SCUBE1: variants seen among roughly 807,000 people sequenced by gnomAD.
SCUBE1 encodes the protein signal peptide, CUB domain and EGF like domain containing 1, also known as signal peptide, CUB and EGF-like domain-containing protein 1.
Under a neutral mutation model 124.4 loss-of-function variants are expected in SCUBE1, and 59 were observed. The ratio of observed to expected loss-of-function variants is 0.47; its 90% confidence interval spans 0.38 to 0.59. SCUBE1 has a LOEUF of 0.59. Ranked by LOEUF, SCUBE1 falls within the 20% of genes least tolerant of loss-of-function variation. The pLI, the probability that SCUBE1 is intolerant of heterozygous loss-of-function variation, is 0.00. For missense variants in SCUBE1, 1,150 were observed against 1,371.2 expected (o/e 0.84, Z 2.55); for synonymous variants, 545 against 550.9 (o/e 0.99, Z 0.15).
intron 14 of SCUBE1, 127 bp from the exon 15 acceptor site, chr22:43,218,585 AG>A (rs1273877215): frequency 2.5e-5 from 23 of 923,622 alleles, no homozygotes; most frequent in Non-Finnish European, 3.6e-5. Flanking sequence ...TTCTCACAAC[AG>A]TCCTGGGGCA....
intron 7 of SCUBE1, among the ~76,000 whole-genome samples, chr22:43,237,101 G>T (rs1027704261): frequency 2.6e-5 from 4 of 151,770 alleles, no homozygotes; most frequent in African/African-American, 9.7e-5. Context: ...AGGAAATGTG[G>T]TGGGGTGGGG....
At position 43,220,434 on chromosome 22, in the gene SCUBE1, A is replaced by G. The variant is rs373419166; in HGVS notation, c.1687+16T>C. On this transcript the variant is annotated intron_variant, in intron 14 of 21. Coordinates refer to ENST00000360835, the MANE Select transcript of SCUBE1 (RefSeq NM_173050.5). The stretch of plus-strand genomic sequence containing the variant: ...CTTCAGGCCTGCAGAAGCCCCCAGG[A>G]GAACCCCTCACCTACCTGAGGCCTC... 1.2e-6 allele frequency: 2 copies of G among 1,611,914 alleles called. No individual in the cohort carries two copies. The highest frequency in any genetic ancestry group is 1.7e-6 in the Non-Finnish European group (2 of 1,178,582).
intron 4 of SCUBE1, among the ~76,000 whole-genome samples, chr22:43,281,559 C>CTTCTCAGCCACCCTCCTGTCACCTCCCT (rs371084124): frequency 1.1e-5 from 1 of 88,670 alleles, no homozygotes; most frequent in African/African-American, 7.1e-5. Context: ...TGTCACCTCC[C>CTTCTCAGCCACCCTCCTGTCACCTCCCT]CCTCAGCCAC....
chr22:43,267,521 T>A, intron 4 of SCUBE1, among the ~76,000 whole-genome samples: 1 of 152,160 alleles, frequency 6.6e-6, no homozygotes, highest in East Asian at 1.9e-4. Context: ...TGATAAAGGC[T>A]CTGAGAAGTC....
intron 8 of SCUBE1, 68 bp from the exon 9 acceptor site, chr22:43,229,256 C>T (rs1922456770): frequency 3.9e-6 from 4 of 1,020,412 alleles, no homozygotes; most frequent in Admixed American, 3.4e-5. Flanking sequence ...CACGGCCTGT[C>T]ACTCTCAGTC....
At chr22:43,216,033 TA>T (rs1249326056) in intron 15 of SCUBE1, among the ~76,000 whole-genome samples, 1 of 152,066 alleles carries the variant, frequency 6.6e-6, no homozygotes, top group Non-Finnish European at 1.5e-5. Context: ...AACTTTGAAA[TA>T]ATTTCAAAAT....
chr22:43,266,445 A>G (rs1924068825), intron 4 of SCUBE1, among the ~76,000 whole-genome samples: 1 of 152,132 alleles, frequency 6.6e-6, no homozygotes, highest in Non-Finnish European at 1.5e-5. Flanking sequence ...ACCTCCACTC[A>G]CGGGCAACAC....
intron 3 of SCUBE1, among the ~76,000 whole-genome samples, chr22:43,293,268 C>T (rs568687236): frequency 1.5e-4 from 23 of 152,372 alleles, no homozygotes; most frequent in African/African-American, 5.3e-4. Context: ...CGCAGGCCCA[C>T]GCGATCCTCA....
intron 4 of SCUBE1, among the ~76,000 whole-genome samples, chr22:43,280,739 C>CGGCCACCCTCCTGTCACCTTCCTCCTT (rs1924774015): frequency 4.1e-5 from 3 of 73,848 alleles, no homozygotes; most frequent in Admixed American, 3.2e-4. Context: ...CCTTCCTCCT[C>CGGCCACCCTCCTGTCACCTTCCTCCTT]GGCCACCCTC....
chr22:43,316,508 A>T (rs769036656), intron 3 of SCUBE1, among the ~76,000 whole-genome samples: 22 of 152,220 alleles, frequency 1.4e-4, no homozygotes, highest in Non-Finnish European at 4.4e-5. Context: ...CTCTTGGAAG[A>T]TACTTCACCT....
chr22:43,294,301 C>T (rs534881885), intron 3 of SCUBE1, among the ~76,000 whole-genome samples: 7 of 152,218 alleles, frequency 4.6e-5, no homozygotes, highest in South Asian at 2.1e-4. Context: ...GCCCCACACA[C>T]GCCTCTTGCA....
At chr22:43,305,317 T>A (rs765447786) in intron 3 of SCUBE1, among the ~76,000 whole-genome samples, 2 of 152,178 alleles carry the variant, frequency 1.3e-5, no homozygotes, top group Non-Finnish European at 2.9e-5. Context: ...AGTGTTTCTG[T>A]ATAATTATTG....
At chr22:43,214,046 C>CGGGGGGGGGG in intron 16 of SCUBE1, 44 bp downstream of exon 16, 9 of 422,700 alleles carry the variant, frequency 2.1e-5, no homozygotes, top group East Asian at 6.5e-5. Context: ...GAGGAGCCCC[C>CGGGGGGGGGG]GCCCACCCCC....
At chr22:43,219,847 C>T (rs1922015296) in intron 14 of SCUBE1, among the ~76,000 whole-genome samples, 2 of 152,090 alleles carry the variant, frequency 1.3e-5, no homozygotes, top group African/African-American at 2.4e-5. Flanking sequence ...TCTTGTGCCC[C>T]CACCACCGAG....
intron 6 of SCUBE1, among the ~76,000 whole-genome samples, chr22:43,247,697 G>C (rs1569506143): frequency 1.3e-5 from 2 of 152,254 alleles, no homozygotes; most frequent in Non-Finnish European, 2.9e-5. Context: ...CTTGGATGGG[G>C]AGGGCTGCAG....
intron 4 of SCUBE1, among the ~76,000 whole-genome samples, chr22:43,281,697 A>G (rs1321650732): frequency 1.3e-5 from 2 of 151,798 alleles, no homozygotes; most frequent in Non-Finnish European, 2.9e-5. Context: ...CTGTCCCCAT[A>G]TGGGTTCCAG....
intron 5 of SCUBE1, among the ~76,000 whole-genome samples, chr22:43,261,098 C>T (rs1377010163): frequency 4.6e-5 from 7 of 152,250 alleles, no homozygotes; most frequent in Admixed American, 1.3e-4. Flanking sequence ...ACCCTGCTGA[C>T]GCCATGCATT....
intron 6 of SCUBE1, among the ~76,000 whole-genome samples, chr22:43,254,433 C>T (rs5996299): frequency 0.048 from 7,311 of 152,198 alleles, 583 homozygotes; most frequent in African/African-American, 0.16. Flanking sequence ...CCCTGAGGTC[C>T]GCATGAGGGC....
Position 43,212,592 on chromosome 22 carries a change from C to A in SCUBE1, c.2054G>T (p.Gly685Val), listed in dbSNP as rs752389163. 3.8e-6 allele frequency: 6 copies of A among 1,563,022 alleles called. No homozygotes were observed. The African/African-American group carries it at 6.8e-5, about 18-fold the overall frequency. ...PGARNVSECGGQCSPGFFSAD... is the reference protein window; with the variant it reads ...PGARNVSECGVQCSPGFFSAD... ...CGAGAAGAAGCCTGGAGAACACTGG[C>A]CTGAAAGTCAGAGGTCATGGCTCAG... Residue 685 changes from glycine to valine, a missense_variant and splice_region_variant, in exon 17 of 22, where the codon GGC becomes GTC. By Grantham distance (109) the Gly-to-Val change is moderately radical. Coordinates refer to ENST00000360835, the MANE Select transcript of SCUBE1 (RefSeq NM_173050.5).
Sources: gnomAD v4.1 joint callset for allele counts (sites outside exome capture counted in the v4.1 genomes callset) on GRCh38, gnomAD v4.1.1 for gene constraint, MANE v1.5 for transcripts, NCBI Gene and HGNC (gene_info 2026-07-23, HGNC 2026-07-21) for gene names.